TMEM182: variants seen among roughly 807,000 people sequenced by gnomAD.
TMEM182 encodes the protein transmembrane protein 182.
TMEM182 carries 20 observed loss-of-function variants against 26.8 expected under a neutral mutation model. That is an observed-to-expected ratio of 0.75 (90% CI 0.53 to 1.09). The LOEUF (loss-of-function observed/expected upper bound fraction) is 1.09. Among genes scored for constraint, TMEM182 ranks in the 50% least tolerant of loss-of-function variants. The probability of loss-of-function intolerance (pLI) is 0.00; values close to 1 mark genes in which losing one functional copy is unlikely to be tolerated. For missense variants in TMEM182, 277 were observed against 275.5 expected (o/e 1.01, Z -0.04); for synonymous variants, 109 against 102.2 (o/e 1.07, Z -0.40).
intron 3 of TMEM182, among the ~76,000 whole-genome samples, chr2:102,794,169 A>G (rs192357939): frequency 6.6e-6 from 1 of 152,348 alleles, no homozygotes; most frequent in East Asian, 1.9e-4. Context: ...GTTCTAAAGG[A>G]TGGACACAAA....
At chr2:102,790,111 G>C (rs1681573376) in intron 3 of TMEM182, among the ~76,000 whole-genome samples, 1 of 152,154 alleles carries the variant, frequency 6.6e-6, no homozygotes, top group Middle Eastern at 3.2e-3. Flanking sequence ...TTTTCTTCTG[G>C]GGAAAAGAAC....
At chr2:102,835,108 G>A (rs902256751) in intron 3 of TMEM182, among the ~76,000 whole-genome samples, 1 of 152,158 alleles carries the variant, frequency 6.6e-6, no homozygotes, top group African/African-American at 2.4e-5. Context: ...TCAGGGAGAA[G>A]TGCTGTAGAA....
At chr2:102,749,192 A>G (rs1220619358) in intron 1 of TMEM182, among the ~76,000 whole-genome samples, 1 of 152,108 alleles carries the variant, frequency 6.6e-6, no homozygotes, top group Non-Finnish European at 1.5e-5. Context: ...ATATAATATT[A>G]TTTCTAATAA....
At chr2:102,801,620 C>T (rs1392214382) in intron 4 of TMEM182, among the ~76,000 whole-genome samples, 1 of 152,160 alleles carries the variant, frequency 6.6e-6, no homozygotes, top group African/African-American at 2.4e-5. Context: ...TTCTCATGAC[C>T]TTCATTGTGC....
chr2:102,829,530 C>A lies in TMEM182; in HGVS notation c.326-13882C>A, dbSNP rs1326640357. 2.0e-5 allele frequency among the ~76,000 whole-genome samples: 3 copies of A among 152,064 alleles called. No individual in the cohort carries two copies. The East Asian group carries it at 5.8e-4, about 29-fold the overall frequency. On this transcript the variant is annotated intron_variant, in intron 3 of 3. Coordinates refer to the TMEM182 transcript ENST00000486293. Reference sequence around the variant, plus strand: ...TATCAGAAGGTGTTAGAAGACAGAACCCTGAAGGATGTGCCAAGAGTCACC... The same window carrying A: ...TATCAGAAGGTGTTAGAAGACAGAAACCTGAAGGATGTGCCAAGAGTCACC...
chr2:102,780,925 A>C (rs986605288), intron 3 of TMEM182, among the ~76,000 whole-genome samples: 4 of 152,166 alleles, frequency 2.6e-5, no homozygotes, highest in African/African-American at 2.4e-5. Flanking sequence ...ATCTGTGACC[A>C]TTGTTGATTC....
intron 4 of TMEM182, among the ~76,000 whole-genome samples, chr2:102,799,035 G>A (rs2732814): frequency 0.54 from 81,991 of 152,014 alleles, 22,682 homozygotes; most frequent in African/African-American, 0.65. Context: ...ATTAGGCAGT[G>A]AAAGCCAGAC....
At position 102,816,074 on chromosome 2, in the gene TMEM182, G is replaced by A. The variant is rs1682733205; in HGVS notation, c.*1106G>A. On this transcript the variant is annotated 3_prime_UTR_variant, in exon 5 of 5. Transcript: ENST00000412401. ...ATTTCCTTTAACCTCCTAGAAGAAA[G>A]TTTTTGTGGGGAAAGATGATTCTGT... 1.0e-6 allele frequency: 1 copy of A among 985,226 alleles called. No individual in the cohort carries two copies. The highest frequency in any genetic ancestry group is 1.2e-6 in the Non-Finnish European group (1 of 829,928). 61.0% of individuals were successfully genotyped at this position (985,226 alleles called of 1,614,324 possible).
At chr2:102,775,633 GA>G (rs1352642110) in intron 3 of TMEM182, 1 of 151,848 alleles carries the variant, frequency 6.6e-6, no homozygotes, top group African/African-American at 2.4e-5. Context: ...TGTATATCTA[GA>G]AAACCCCATC....
At chr2:102,796,976 C>G (rs937014542) in intron 3 of TMEM182, among the ~76,000 whole-genome samples, 2 of 152,288 alleles carry the variant, frequency 1.3e-5, no homozygotes, top group African/African-American at 4.8e-5. Flanking sequence ...TCTATACTAT[C>G]AAGAATTTAT....
At chr2:102,769,085 G>C (rs773574554) in intron 3 of TMEM182, among the ~76,000 whole-genome samples, 14 of 152,252 alleles carry the variant, frequency 9.2e-5, no homozygotes, top group Non-Finnish European at 2.1e-4. Flanking sequence ...TCAGAAAAGA[G>C]GAAGTGCTTC....
intron 1 of TMEM182, among the ~76,000 whole-genome samples, chr2:102,744,531 C>A (rs80083439): frequency 1.1e-3 from 168 of 152,242 alleles, no homozygotes; most frequent in Non-Finnish European, 2.1e-3. Context: ...AGAATCAGAT[C>A]TCTGACCTAT....
chr2:102,762,781 T>A, intron 2 of TMEM182, 95 bp downstream of exon 2: 1 of 1,000,808 alleles, frequency 1.0e-6, no homozygotes, highest in Non-Finnish European at 1.5e-6. Flanking sequence ...GACTGGATTG[T>A]GAGTTACAAA....
chr2:102,765,802 T>G (rs1680411241), intron 3 of TMEM182, among the ~76,000 whole-genome samples: 1 of 152,206 alleles, frequency 6.6e-6, no homozygotes, highest in Non-Finnish European at 1.5e-5. Context: ...ACTGGGACCA[T>G]TTTCCTTGAA....
chr2:102,812,384 TACACAC>T (rs61175945), intron 4 of TMEM182, among the ~76,000 whole-genome samples: 45,858 of 143,078 alleles, frequency 0.32, 8,023 homozygotes, highest in Non-Finnish European at 0.38. Flanking sequence ...TCTACACATG[TACACAC>T]ACACACACAC....
chr2:102,801,332 C>A (rs1303224460), intron 4 of TMEM182, among the ~76,000 whole-genome samples: 1 of 152,130 alleles, frequency 6.6e-6, no homozygotes, highest in Non-Finnish European at 1.5e-5. Context: ...CATCCTGAGA[C>A]TGGGCCCAGA....
At position 102,778,720 on chromosome 2, in the gene TMEM182, G is replaced by A. The variant is rs575220463; in HGVS notation, c.331+14293G>A. 2.6e-4 allele frequency among the ~76,000 whole-genome samples: 40 copies of A among 152,094 alleles called. 1 individual carries two copies. The highest frequency in any genetic ancestry group is 2.5e-3 in the South Asian group (12 of 4,816). On this transcript the variant is annotated intron_variant, in intron 3 of 4. Transcript: ENST00000412401. ...TAAATACATGTTATTATGGTCTATCGATGTTGACATTTACCAATGTAAGTA... is the reference window on the plus strand; with the variant it reads ...TAAATACATGTTATTATGGTCTATCAATGTTGACATTTACCAATGTAAGTA...
At chr2:102,768,463 C>A (rs1294075804) in intron 3 of TMEM182, among the ~76,000 whole-genome samples, 1 of 151,308 alleles carries the variant, frequency 6.6e-6, no homozygotes, top group Non-Finnish European at 1.5e-5. Flanking sequence ...CTGAGGCGGG[C>A]AGATCACTTG....
At position 102,762,659 on chromosome 2, in the gene TMEM182, G is replaced by T. The variant is rs1680261905; in HGVS notation, c.205G>T (p.Asp69Tyr). ...GTTTAATGGGATTGTGGAAGAGAAT[G>T]ACTCCAATATTTGGAAGTTCTGGTA... ...CWFNGIVEEN[D>Y]SNIWKFWYTN... Residue 69 changes from aspartate to tyrosine, a missense_variant, in exon 2 of 5, where the codon GAC (aspartate) becomes TAC (tyrosine). Asp to Tyr is a radical substitution (Grantham distance 160). Coordinates refer to ENST00000412401, the MANE Select transcript of TMEM182 (RefSeq NM_144632.5). 7.4e-6 allele frequency: 12 copies of T among 1,613,848 alleles called. No individual in the cohort carries two copies. The highest frequency in any genetic ancestry group is 1.0e-5 in the Non-Finnish European group (12 of 1,179,886).
Sources: allele counts gnomAD v4.1 joint callset (sites outside exome capture counted in the v4.1 genomes callset), GRCh38; gene constraint gnomAD v4.1.1; transcripts MANE v1.5; gene names NCBI Gene and HGNC (gene_info 2026-07-23, HGNC 2026-07-21).